The following OR9Q1 variants were observed in gnomAD, a reference collection of about 807,000 sequenced individuals.
The protein encoded by OR9Q1 is olfactory receptor family 9 subfamily Q member 1.
For synonymous variants in OR9Q1, 153 were observed against 148.6 expected (o/e 1.03, Z -0.22); for missense variants, 374 against 378.8 (o/e 0.99, Z 0.11).
intron 2 of OR9Q1, among the ~76,000 whole-genome samples, chr11:58,160,826 G>C (rs1029242205): frequency 6.6e-6 from 1 of 152,110 alleles, no homozygotes; most frequent in Non-Finnish European, 1.5e-5. Flanking sequence ...GCCCACCATA[G>C]TCTACAATAA....
intron 2 of OR9Q1, among the ~76,000 whole-genome samples, chr11:58,175,109 A>AG (rs1464124525): frequency 6.8e-6 from 1 of 146,598 alleles, no homozygotes; most frequent in Non-Finnish European, 1.5e-5. Flanking sequence ...CTGTCTCAAA[A>AG]AAAAAAAAAA....
chr11:58,135,887 A>G (rs1415866607), intron 2 of OR9Q1, among the ~76,000 whole-genome samples: 1 of 152,196 alleles, frequency 6.6e-6, no homozygotes, highest in Non-Finnish European at 1.5e-5. Flanking sequence ...ATCCCTTGCA[A>G]GTGAACACTT....
intron 2 of OR9Q1, among the ~76,000 whole-genome samples, chr11:58,175,650 C>T (rs1238895455): frequency 6.6e-6 from 1 of 152,084 alleles, no homozygotes; most frequent in Non-Finnish European, 1.5e-5. Context: ...GCTGCATGTT[C>T]CTCATAGGTA....
intron 2 of OR9Q1, among the ~76,000 whole-genome samples, chr11:58,062,434 C>G (rs1269971875): frequency 1.3e-5 from 2 of 152,154 alleles, no homozygotes; most frequent in African/African-American, 2.4e-5. Context: ...CCTGGCTCAC[C>G]TCCCACATCT....
At chr11:58,159,611 GAA>G (rs2119920384) in intron 2 of OR9Q1, among the ~76,000 whole-genome samples, 1 of 152,296 alleles carries the variant, frequency 6.6e-6, no homozygotes, top group East Asian at 1.9e-4. Context: ...GCAGCACAGG[GAA>G]AGAATATTTT....
chr11:58,119,291 C>T (rs1264239314), intron 2 of OR9Q1: 1 of 1,613,918 alleles, frequency 6.2e-7, no homozygotes, highest in South Asian at 1.1e-5. Context: ...AGTTTGACAT[C>T]TACTTGGATT....
intron 1 of OR9Q1, among the ~76,000 whole-genome samples, chr11:58,046,927 A>G: frequency 6.6e-6 from 1 of 152,196 alleles, no homozygotes; most frequent in East Asian, 1.9e-4. Flanking sequence ...GGTCTGGGAA[A>G]GGACTAATGG....
chr11:58,048,696 T>TATATATATATATATATATATATATA (rs35079058), intron 1 of OR9Q1, among the ~76,000 whole-genome samples: 1 of 127,660 alleles, frequency 7.8e-6, no homozygotes, highest in African/African-American at 2.8e-5. Context: ...ATATATATAT[T>TATATATATATATATATATATATATA]TTTTAGCAAG....
intron 2 of OR9Q1, among the ~76,000 whole-genome samples, chr11:58,177,453 T>C (rs1206114928): frequency 6.6e-6 from 1 of 152,228 alleles, no homozygotes; most frequent in African/African-American, 2.4e-5. Flanking sequence ...TCCTACCTCA[T>C]GTAGTGGTTG....
At position 58,079,246 on chromosome 11, in the gene OR9Q1, CT is replaced by C. The variant is rs111619553; in HGVS notation, c.-15+23312del. On this transcript the variant is annotated intron_variant, in intron 2 of 2. Coordinates refer to ENST00000335397, the MANE Select transcript of OR9Q1 (RefSeq NM_001005212.4). ...CTCAGTTGTACTCTGAGTTCTGAGTCTTTTTTTTTTTTTATCTTGCTGGTGT... is the reference window on the plus strand; with the variant it reads ...CTCAGTTGTACTCTGAGTTCTGAGTCTTTTTTTTTTTTATCTTGCTGGTGT... Among the ~76,000 whole-genome samples, 974 of 143,462 alleles carry C rather than the reference CT, an allele frequency of 6.8e-3. 2 individuals carry two copies. The highest frequency in any genetic ancestry group is 0.019 in the East Asian group (94 of 4,938). 94.1% of individuals were successfully genotyped at this position (143,462 alleles called of 152,430 possible).
intron 2 of OR9Q1, chr11:58,072,283 T>C (rs1047046385): frequency 1.3e-5 from 2 of 152,290 alleles, no homozygotes; most frequent in African/African-American, 4.8e-5. Flanking sequence ...TTTAAAATAG[T>C]ATTTGTATCC....
chr11:58,107,461 A>G (rs1262960883), intron 2 of OR9Q1, among the ~76,000 whole-genome samples: 1 of 152,150 alleles, frequency 6.6e-6, no homozygotes, highest in Non-Finnish European at 1.5e-5. Flanking sequence ...TTATGGCTGC[A>G]TAGTATTCCA....
chr11:58,146,367 T>C (rs1854299210), intron 2 of OR9Q1, among the ~76,000 whole-genome samples: 1 of 152,204 alleles, frequency 6.6e-6, no homozygotes, highest in Admixed American at 6.6e-5. Flanking sequence ...AAATATTACC[T>C]GGGAAATATC....
intron 1 of OR9Q1, among the ~76,000 whole-genome samples, chr11:58,053,813 A>G (rs533857560): frequency 1.3e-5 from 2 of 152,022 alleles, no homozygotes; most frequent in South Asian, 2.1e-4. Flanking sequence ...GGAACAGCTT[A>G]AAAAGCAGAA....
At chr11:58,093,410 T>C (rs1853701916) in intron 2 of OR9Q1, among the ~76,000 whole-genome samples, 1 of 152,052 alleles carries the variant, frequency 6.6e-6, no homozygotes, top group Non-Finnish European at 1.5e-5. Context: ...CCAACAAGCA[T>C]GTGAAAAAAT....
At chr11:58,055,283 T>C (rs61904024) in intron 1 of OR9Q1, among the ~76,000 whole-genome samples, 32,815 of 152,130 alleles carry the variant, frequency 0.22, 4,105 homozygotes, top group Middle Eastern at 0.38. Flanking sequence ...GTTATTTTTC[T>C]TAGAGCCCTT....
intron 2 of OR9Q1, among the ~76,000 whole-genome samples, chr11:58,133,536 G>A (rs935382494): frequency 5.9e-5 from 9 of 152,216 alleles, no homozygotes; most frequent in Non-Finnish European, 1.3e-4. Flanking sequence ...ATAATGCGAG[G>A]CACTTAGCAT....
intron 2 of OR9Q1, among the ~76,000 whole-genome samples, chr11:58,071,453 A>G (rs1853486946): frequency 6.6e-6 from 1 of 151,996 alleles, no homozygotes; most frequent in African/African-American, 2.4e-5. Flanking sequence ...ACGCCACTGC[A>G]CTCCAGCCTG....
At chr11:58,045,525 C>T (rs568685225) in intron 1 of OR9Q1, among the ~76,000 whole-genome samples, 6 of 152,268 alleles carry the variant, frequency 3.9e-5, no homozygotes, top group African/African-American at 9.6e-5. Flanking sequence ...TGAGCCACCA[C>T]GCCTGGCCAT....
Sources: gnomAD v4.1 joint callset for allele counts (sites outside exome capture counted in the v4.1 genomes callset) on GRCh38, gnomAD v4.1.1 for gene constraint, MANE v1.5 for transcripts, NCBI Gene and HGNC (gene_info 2026-07-23, HGNC 2026-07-21) for gene names.